Variants in FLRT1 observed in about 807,000 individuals in gnomAD.
FLRT1 encodes the protein leucine-rich repeat transmembrane protein FLRT1.
FLRT1 carries 14 observed loss-of-function variants against 30.9 expected under a neutral mutation model. That is an observed-to-expected ratio of 0.45 (90% CI 0.30 to 0.71). The LOEUF is 0.71. Among genes scored for constraint, FLRT1 ranks in the 30% least tolerant of loss-of-function variants. FLRT1 has a pLI of 0.08. For synonymous variants in FLRT1, 368 were observed against 430.4 expected, an observed-to-expected ratio of 0.85 and a Z score of 1.80; for missense variants, 737 against 949.2, an observed-to-expected ratio of 0.78 and a Z score of 2.94.
chr11:64,103,954 A>T lies in FLRT1; in HGVS notation c.-277A>T, dbSNP rs1944714079. 1 of 152,342 alleles carries T rather than the reference A, an allele frequency of 6.6e-6. No individual in the cohort carries two copies. The highest frequency in any genetic ancestry group is 2.4e-5 in the African/African-American group (1 of 41,436). 9.4% of individuals were successfully genotyped at this position (152,342 alleles called of 1,614,324 possible). On this transcript the variant is annotated 5_prime_UTR_variant, in exon 2 of 3. Coordinates refer to ENST00000682287, the MANE Select transcript of FLRT1 (RefSeq NM_013280.5). ...CGCCAGGAGACCAGGATACCGAGGC[A>T]CCGGATCCCCTCTCTGTGCCCTGGG...
At chr11:64,061,083 A>G (rs1943894335) in intron 1 of FLRT1, among the ~76,000 whole-genome samples, 1 of 151,740 alleles carries the variant, frequency 6.6e-6, no homozygotes, top group Non-Finnish European at 1.5e-5. Flanking sequence ...ACTCCCAACC[A>G]CCTGAGAGCC....
chr11:64,084,312 G>C (rs939853921), intron 1 of FLRT1, among the ~76,000 whole-genome samples: 1 of 152,150 alleles, frequency 6.6e-6, no homozygotes, highest in African/African-American at 2.4e-5. Flanking sequence ...ACATGTGTGA[G>C]AGTGGGGGAT....
At chr11:64,106,784 G>A (rs111376069) in intron 2 of FLRT1, among the ~76,000 whole-genome samples, 1,776 of 152,362 alleles carry the variant, frequency 0.012, 30 homozygotes, top group African/African-American at 0.041. Context: ...CCCCAGCCCT[G>A]CTGGTGCTGC....
At chr11:64,095,688 G>T (rs1252084501) in intron 1 of FLRT1, among the ~76,000 whole-genome samples, 1 of 152,262 alleles carries the variant, frequency 6.6e-6, no homozygotes, top group East Asian at 1.9e-4. Flanking sequence ...GCTCACAGCG[G>T]AGGTCTGAGG....
chr11:64,059,544 C>T (rs560508194), intron 1 of FLRT1, among the ~76,000 whole-genome samples: 2 of 152,200 alleles, frequency 1.3e-5, no homozygotes, highest in African/African-American at 4.8e-5. Context: ...CTGCAGGGTA[C>T]TTCCACCCTC....
At chr11:64,111,339 T>C (rs1456232729) in intron 2 of FLRT1, among the ~76,000 whole-genome samples, 3 of 152,216 alleles carry the variant, frequency 2.0e-5, no homozygotes, top group Non-Finnish European at 4.4e-5. Context: ...GGGGGCCCCC[T>C]GGCAGAGGTG....
rs1032143948 is a variant in FLRT1 at position 64,061,029 on chromosome 11, C to T, written c.-1038+24870C>T. On this transcript the variant is annotated intron_variant, in intron 1 of 2. Coordinates refer to ENST00000682287, the MANE Select transcript of FLRT1 (RefSeq NM_013280.5). ...CGACCCAGGCATCCTCAACCGCGGC[C>T]TCCTCCTCCCTTGTCTTGATGGAAA... Among the ~76,000 whole-genome samples, 35 of 152,274 alleles carry T rather than the reference C, an allele frequency of 2.3e-4. 1 individual carries two copies. Among genetic ancestry groups the T allele is most frequent in the Non-Finnish European group, 4.1e-4 (28 of 67,998 alleles).
chr11:64,115,956 C>T (rs1184324933), intron 2 of FLRT1, among the ~76,000 whole-genome samples: 4 of 152,202 alleles, frequency 2.6e-5, no homozygotes, highest in Non-Finnish European at 5.9e-5. Flanking sequence ...CGCGGCAGCA[C>T]GGGTCTCATT....
intron 2 of FLRT1, among the ~76,000 whole-genome samples, chr11:64,112,862 G>A (rs1215063788): frequency 6.6e-6 from 1 of 152,238 alleles, no homozygotes; most frequent in Non-Finnish European, 1.5e-5. Context: ...CCTGGGCAGA[G>A]ACCCTGTAAG....
intron 1 of FLRT1, among the ~76,000 whole-genome samples, chr11:64,053,368 C>T (rs1361480483): frequency 6.6e-6 from 1 of 152,234 alleles, no homozygotes; most frequent in Non-Finnish European, 1.5e-5. Flanking sequence ...GCTCTGTTAA[C>T]TGGGGCTGTC....
chr11:64,115,877 A>C (rs563179015), intron 2 of FLRT1, among the ~76,000 whole-genome samples: 2 of 152,316 alleles, frequency 1.3e-5, no homozygotes, highest in Admixed American at 6.5e-5. Flanking sequence ...TGAGAGAAGA[A>C]ACCAAGCCTG....
chr11:64,061,239 G>A (rs370733014), intron 1 of FLRT1, among the ~76,000 whole-genome samples: 1 of 152,244 alleles, frequency 6.6e-6, no homozygotes, highest in East Asian at 1.9e-4. Context: ...GGAGTAATCT[G>A]GCGATCACGC....
intron 1 of FLRT1, among the ~76,000 whole-genome samples, chr11:64,050,682 G>A (rs1418610585): frequency 4.6e-5 from 7 of 152,326 alleles, no homozygotes; most frequent in Non-Finnish European, 7.4e-5. Flanking sequence ...GCAGTGGCGC[G>A]ATCATGGCTC....
rs139116047 is a variant in FLRT1, at chr11:64,099,507, C to A, written c.-1037-3687C>A. On this transcript the variant is annotated intron_variant, in intron 1 of 2. Transcript: ENST00000682287. ...AGAGACGGATGGATGAATGGACAGA[C>A]GGATAGATGGAGAAATGGATGGATG... Among the ~76,000 whole-genome samples the A allele has an allele frequency of 1.8e-3, 273 of 151,372 alleles. 2 individuals carry two copies. Among genetic ancestry groups the A allele is most frequent in the African/African-American group, 6.1e-3 (251 of 41,208 alleles).
At chr11:64,115,959 G>C (rs1260414496) in intron 2 of FLRT1, among the ~76,000 whole-genome samples, 1 of 152,190 alleles carries the variant, frequency 6.6e-6, no homozygotes, top group African/African-American at 2.4e-5. Flanking sequence ...GGCAGCACGG[G>C]TCTCATTAAT....
intron 1 of FLRT1, among the ~76,000 whole-genome samples, chr11:64,065,947 A>T (rs1943998077): frequency 6.6e-6 from 1 of 152,082 alleles, no homozygotes; most frequent in Non-Finnish European, 1.5e-5. Flanking sequence ...TTTCCAGGGG[A>T]GGTGACCTTT....
chr11:64,067,143 G>C lies in FLRT1; in HGVS notation c.-1038+30984G>C, dbSNP rs1944019472. On this transcript the variant is annotated intron_variant, in intron 1 of 2. Coordinates refer to ENST00000682287, the MANE Select transcript of FLRT1 (RefSeq NM_013280.5). The surrounding 1 kb of genome is among the most constrained non-coding windows in gnomAD (Gnocchi z 4.6). ...CACAGGCCAGGGCCAAGTAGGCAGG[G>C]CTGGTGGGGGTGGGAGGCCGGCCAT... 6.6e-6 allele frequency among the ~76,000 whole-genome samples: 1 copy of C among 152,196 alleles called. No homozygotes were observed. Among genetic ancestry groups the C allele is most frequent in the Non-Finnish European group, 1.5e-5 (1 of 68,034 alleles).
chr11:64,059,819 G>A (rs988868007), intron 1 of FLRT1, among the ~76,000 whole-genome samples: 1 of 152,222 alleles, frequency 6.6e-6, no homozygotes, highest in African/African-American at 2.4e-5. Flanking sequence ...CAAGGGTCCT[G>A]ACCCCGAGAG....
intron 1 of FLRT1, among the ~76,000 whole-genome samples, chr11:64,049,240 C>A (rs1021986633): frequency 6.6e-6 from 1 of 152,150 alleles, no homozygotes; most frequent in African/African-American, 2.4e-5. Context: ...TTTGTTAACA[C>A]CCCATTGTGT....
Sources: gnomAD v4.1 joint callset for allele counts (sites outside exome capture counted in the v4.1 genomes callset) on GRCh38, gnomAD v4.1.1 for gene constraint, Gnocchi (gnomAD v3.1) non-coding constraint, MANE v1.5 for transcripts, NCBI Gene and HGNC (gene_info 2026-07-23, HGNC 2026-07-21) for gene names.